The following CLTCL1 variants were observed in gnomAD, a reference collection of about 807,000 sequenced individuals.
CLTCL1 encodes the protein clathrin heavy chain like 1, also known as clathrin heavy chain 2.
A neutral mutation model predicts 190.0 loss-of-function variants in CLTCL1; 159 were observed. That is an observed-to-expected ratio of 0.84 (90% CI 0.74 to 0.95). CLTCL1 has a LOEUF of 0.95. Among genes scored for constraint, CLTCL1 ranks in the 40% least tolerant of loss-of-function variants. The pLI is 0.00. For synonymous variants in CLTCL1, 752 were observed against 769.6 expected (o/e 0.98, Z 0.38); for missense variants, 1,878 against 2,033.4 (o/e 0.92, Z 1.47).
At chr22:19,220,854 C>T (rs1040654617) in intron 17 of CLTCL1, among the ~76,000 whole-genome samples, 1 of 152,132 alleles carries the variant, frequency 6.6e-6, no homozygotes, top group Non-Finnish European at 1.5e-5. Flanking sequence ...CAAGCCTGGG[C>T]AGATGCAGGC....
chr22:19,238,216 T>C (rs1004754750), intron 5 of CLTCL1, among the ~76,000 whole-genome samples: 1 of 152,092 alleles, frequency 6.6e-6, no homozygotes, highest in Non-Finnish European at 1.5e-5. Context: ...CAGCATCCCA[T>C]GTAGCTGGGA....
At chr22:19,288,983 T>C (rs1322198822) in intron 1 of CLTCL1, among the ~76,000 whole-genome samples, 1 of 152,192 alleles carries the variant, frequency 6.6e-6, no homozygotes, top group East Asian at 1.9e-4. Context: ...CTCACCTAGC[T>C]CATCGCATCT....
chr22:19,235,265 G>T (rs1301982847), intron 6 of CLTCL1, among the ~76,000 whole-genome samples: 2 of 151,984 alleles, frequency 1.3e-5, no homozygotes, highest in African/African-American at 4.8e-5. Context: ...AAACTCCTGG[G>T]CTCAAGCCAT....
intron 23 of CLTCL1, 21 bp downstream of exon 23, chr22:19,201,308 C>G: frequency 1.3e-6 from 2 of 1,597,542 alleles, no homozygotes; most frequent in Non-Finnish European, 8.5e-7. Context: ...ACTCTGCCGT[C>G]TGCAGTTGCC....
intron 29 of CLTCL1, chr22:19,184,246 A>T (rs2146198134): frequency 3.1e-6 from 1 of 326,482 alleles, no homozygotes; most frequent in Middle Eastern, 1.2e-3. Context: ...CCCCATTCAG[A>T]GACCAGGAAC....
intron 2 of CLTCL1, among the ~76,000 whole-genome samples, chr22:19,267,541 ACTAT>A (rs1250325130): frequency 3.3e-5 from 5 of 152,264 alleles, no homozygotes; most frequent in Non-Finnish European, 7.3e-5. Context: ...GAGTACCAAC[ACTAT>A]CTGACTTCCA....
At chr22:19,270,415 C>G (rs1258364556) in intron 2 of CLTCL1, among the ~76,000 whole-genome samples, 2 of 151,848 alleles carry the variant, frequency 1.3e-5, no homozygotes. Context: ...TCTATGAATT[C>G]ACTAAAAATC....
chr22:19,187,484 G>T, intron 29 of CLTCL1, 74 bp downstream of exon 29: 1 of 1,481,778 alleles, frequency 6.7e-7, no homozygotes, highest in Non-Finnish European at 9.2e-7. Context: ...AAGAGGGAAG[G>T]GATGTGACCC....
intron 1 of CLTCL1, among the ~76,000 whole-genome samples, chr22:19,285,047 A>T (rs1344243872): frequency 6.6e-6 from 1 of 152,058 alleles, no homozygotes; most frequent in Non-Finnish European, 1.5e-5. Flanking sequence ...AGGCCGAGGC[A>T]GGCGGATCAC....
At chr22:19,277,526 AAAAAC>A (rs1306931815) in intron 1 of CLTCL1, among the ~76,000 whole-genome samples, 3 of 152,246 alleles carry the variant, frequency 2.0e-5, no homozygotes, top group Non-Finnish European at 4.4e-5. Context: ...ATAACAGCAA[AAAAAC>A]AAAACATTAC....
chr22:19,261,606 G>T (rs1322105768), intron 2 of CLTCL1, among the ~76,000 whole-genome samples: 7 of 152,194 alleles, frequency 4.6e-5, no homozygotes, highest in African/African-American at 1.7e-4. Context: ...CCTCATGAAT[G>T]ACTTTGTGAG....
At chr22:19,243,697 C>CTTTTTTTTTT (rs1175325908) in intron 3 of CLTCL1, among the ~76,000 whole-genome samples, 44 of 107,890 alleles carry the variant, frequency 4.1e-4, no homozygotes, top group African/African-American at 4.3e-4. Flanking sequence ...TTCTTTCTTT[C>CTTTTTTTTTT]TTTTTTTTTT....
At chr22:19,264,302 T>C (rs1220567779) in intron 2 of CLTCL1, among the ~76,000 whole-genome samples, 2 of 150,912 alleles carry the variant, frequency 1.3e-5, no homozygotes, top group African/African-American at 2.4e-5. Flanking sequence ...ATAACAAGTG[T>C]TAGCAAGAAT....
chr22:19,272,167 T>TC (rs1438292165), intron 2 of CLTCL1, among the ~76,000 whole-genome samples: 1 of 152,144 alleles, frequency 6.6e-6, no homozygotes, highest in Non-Finnish European at 1.5e-5. Context: ...CGTTTGCCAA[T>TC]CCCTCAGTTA....
At position 19,258,742 on chromosome 22, in the gene CLTCL1, C is replaced by T. The variant is rs560057651; in HGVS notation, c.251-4515G>A. ...ATGCAAACCATCCAAAAGACCACCA[C>T]CTGCAGGATAGTGGACGGCAAAGTG... is the stretch of plus-strand genomic sequence containing the variant. On this transcript the variant is annotated intron_variant, in intron 2 of 32. Transcript: ENST00000427926. 2.7e-5 allele frequency: 19 copies of T among 694,778 alleles called. No individual in the cohort carries two copies. The East Asian group carries it at 4.7e-4, about 17-fold the overall frequency. The allele number at this position is 694,778 out of a possible 1,614,324, so 43.0% of individuals were successfully genotyped here. A position where few individuals can be genotyped will look rare whatever the true frequency, so the allele number is the denominator to read the frequency against.
chr22:19,188,220 G>A, intron 27 of CLTCL1, 129 bp from the exon 28 acceptor site: 1 of 777,450 alleles, frequency 1.3e-6, no homozygotes, highest in East Asian at 2.5e-5. Flanking sequence ...GGCACCTTCT[G>A]GACACCTAGA....
In CLTCL1 at chr22:19,291,580, C is replaced by G; in HGVS notation, c.42+20G>C. ...GGAGGCGCGGCTGACAGGGCAGCCC[C>G]CCAGCCCGCCGGGCCTCACCTGGAA... On this transcript the variant is annotated intron_variant, in intron 1 of 32. Coordinates refer to ENST00000427926, the MANE Select transcript of CLTCL1 (RefSeq NM_007098.4). The G allele has an allele frequency of 7.3e-7, 1 of 1,368,568 alleles. No individual in the cohort carries two copies. The highest frequency in any genetic ancestry group is 9.5e-7 in the Non-Finnish European group (1 of 1,047,412). 84.8% of individuals were successfully genotyped at this position (1,368,568 alleles called of 1,614,324 possible).
rs2146177052 is a variant in CLTCL1 at position 19,261,785 on chromosome 22, T to C, written c.251-7558A>G. Among the ~76,000 whole-genome samples the C allele has an allele frequency of 4.6e-5, 7 of 152,298 alleles. 1 individual carries two copies. In the Middle Eastern group the frequency reaches 0.014, roughly 296 times the overall value. On this transcript the variant is annotated intron_variant, in intron 2 of 32. Coordinates refer to ENST00000427926, the MANE Select transcript of CLTCL1 (RefSeq NM_007098.4). ...AAGAAAGGGGTTTCTTCCAATGGAA[T>C]CTACTCCCAGTGAAGATGCTGTGAA... is the stretch of plus-strand genomic sequence containing the variant.
chr22:19,191,398 A>G lies in CLTCL1; in HGVS notation c.4229T>C (p.Phe1410Ser). 1 of 1,613,956 alleles carries G rather than the reference A, an allele frequency of 6.2e-7. No homozygotes were observed. Among genetic ancestry groups the G allele is most frequent in the Non-Finnish European group, 8.5e-7 (1 of 1,179,898 alleles). Residue 1410 changes from phenylalanine to serine, a missense_variant, in exon 27 of 33, where the codon TTC becomes TCC. Transcript: ENST00000427926. ...GAGCAGTGGTTTGTAATCCAAATAGAACTGCAGGGCTCTGTAACAGAGCTC... is the reference window on the plus strand; with the variant it reads ...GAGCAGTGGTTTGTAATCCAAATAGGACTGCAGGGCTCTGTAACAGAGCTC... Reference protein sequence around the residue: ...NVELCYRALQFYLDYKPLLIN... With the variant: ...NVELCYRALQSYLDYKPLLIN...
Sources: allele counts gnomAD v4.1 joint callset (sites outside exome capture counted in the v4.1 genomes callset), GRCh38; gene constraint gnomAD v4.1.1; transcripts MANE v1.5; gene names NCBI Gene and HGNC (gene_info 2026-07-23, HGNC 2026-07-21).